GALR1: variants seen among roughly 807,000 people sequenced by gnomAD.
GALR1 encodes galanin receptor type 1.
Under a neutral mutation model 17.9 loss-of-function variants are expected in GALR1, and 11 were observed. The observed-to-expected ratio is 0.62, with a 90% CI of 0.39 to 1.02. The LOEUF is 1.02. Ranked by LOEUF, GALR1 falls within the 50% of genes least tolerant of loss-of-function variation. The pLI, the probability that GALR1 is intolerant of heterozygous loss-of-function variation, is 0.01. For missense variants in GALR1, 441 were observed against 456.9 expected (o/e 0.97, Z 0.32); for synonymous variants, 206 against 205.7 (o/e 1.00, Z -0.01).
intron 1 of GALR1, among the ~76,000 whole-genome samples, chr18:77,252,911 CCACCACCACCAT>C (rs1568139044): frequency 1.2e-3 from 54 of 44,918 alleles, no homozygotes; most frequent in Non-Finnish European, 1.7e-3. Context: ...ACCACCACCA[CCACCACCACCAT>C]CACCACCACC....
rs141896289 is a variant in GALR1 at position 77,262,213 on chromosome 18, C to T, written c.732+5990C>T. Among the ~76,000 whole-genome samples, 876 of 146,652 alleles carry T rather than the reference C, an allele frequency of 6.0e-3. 8 individuals are homozygous for T. Among genetic ancestry groups the T allele is most frequent in the African/African-American group, 0.021 (829 of 39,626 alleles). On this transcript the variant is annotated intron_variant, in intron 2 of 2. Transcript: ENST00000299727. ...CCATAAGAGATGAGGTATAGCTATCCGAATTAAAAAAAAAAAAAAAAGCTT... is the reference window on the plus strand; with the variant it reads ...CCATAAGAGATGAGGTATAGCTATCTGAATTAAAAAAAAAAAAAAAAGCTT...
At chr18:77,256,096 C>A in intron 1 of GALR1, 62 bp from the exon 2 acceptor site, 1 of 826,506 alleles carries the variant, frequency 1.2e-6, no homozygotes, top group Non-Finnish European at 2.1e-6. Context: ...ATTGTTAATG[C>A]AACATAGGCA....
At chr18:77,265,651 C>G (rs1912929978) in intron 2 of GALR1, among the ~76,000 whole-genome samples, 1 of 152,234 alleles carries the variant, frequency 6.6e-6, no homozygotes, top group Non-Finnish European at 1.5e-5. Flanking sequence ...GCCTGGGCAT[C>G]CAAGCATTTC....
intron 2 of GALR1, among the ~76,000 whole-genome samples, chr18:77,266,234 T>G (rs897491727): frequency 6.6e-6 from 1 of 152,188 alleles, no homozygotes; most frequent in Non-Finnish European, 1.5e-5. Flanking sequence ...TGACCTTTAC[T>G]CCAGTTCCCA....
intron 2 of GALR1, among the ~76,000 whole-genome samples, chr18:77,258,834 TGGTGGTGATGGTGGTGGTGATGG>T: frequency 2.9e-4 from 1 of 3,502 alleles, no homozygotes; most frequent in African/African-American, 7.2e-4. Flanking sequence ...GTGCTGGTGA[TGGTGGTGATGGTGGTGGTGATGG>T]TGGTGGTGAT....
At chr18:77,252,749 G>A (rs1239325066) in intron 1 of GALR1, among the ~76,000 whole-genome samples, 12 of 151,828 alleles carry the variant, frequency 7.9e-5, no homozygotes. Context: ...TCCGGAGGCT[G>A]AGACAGAAGA....
chr18:77,250,187 G>C lies in GALR1; in HGVS notation c.-362G>C, dbSNP rs560013590. Among the ~76,000 whole-genome samples, 9 of 152,306 alleles carry C rather than the reference G, an allele frequency of 5.9e-5. No individual in the cohort carries two copies. The South Asian group carries it at 1.9e-3, about 32-fold the overall frequency. On this transcript the variant is annotated 5_prime_UTR_variant, in exon 1 of 3. Transcript: ENST00000299727. The stretch of plus-strand genomic sequence containing the variant: ...TCTGGAGCGGTAAGGCGGAGAGAAG[G>C]GTCTTTCCACCTGCGCGGCTGCAGC...
chr18:77,259,733 G>T (rs191314616), intron 2 of GALR1, among the ~76,000 whole-genome samples: 71 of 152,002 alleles, frequency 4.7e-4, no homozygotes, highest in African/African-American at 1.6e-3. Context: ...GGTGGTATGT[G>T]TGTGTCTAAG....
At chr18:77,256,287 T>A in intron 2 of GALR1, 64 bp downstream of exon 2, 1 of 956,486 alleles carries the variant, frequency 1.0e-6, no homozygotes. Context: ...TTGTTTTTTT[T>A]ACTTGTCCTC....
At chr18:77,253,155 G>C (rs984618017) in intron 1 of GALR1, among the ~76,000 whole-genome samples, 13 of 152,022 alleles carry the variant, frequency 8.6e-5, no homozygotes, top group African/African-American at 3.1e-4. Flanking sequence ...GCTAAACAAA[G>C]GCTATCTTAC....
At position 77,264,133 on chromosome 18, in the gene GALR1, C is replaced by CA. The variant is rs56102250; in HGVS notation, c.733-4421dup. 1.2e-3 allele frequency among the ~76,000 whole-genome samples: 70 copies of CA among 57,210 alleles called. 1 individual carries two copies. The highest frequency in any genetic ancestry group is 2.8e-3 in the African/African-American group (39 of 14,082). 37.5% of individuals were successfully genotyped at this position (57,210 alleles called of 152,430 possible). A position where few individuals can be genotyped will look rare whatever the true frequency, so the allele number is the denominator to read the frequency against. ...TGGGTGACAGAGCGAGACTCCATCT[C>CA]AAAAAAAAAAAAAAAAAAAAAAAAA... is the stretch of plus-strand genomic sequence containing the variant. On this transcript the variant is annotated intron_variant, in intron 2 of 2. Transcript: ENST00000299727.
In GALR1 at chr18:77,269,065, A is replaced by T. The variant is rs1218512261; in HGVS notation, c.*163A>T. 6 of 611,498 alleles carry T rather than the reference A, an allele frequency of 9.8e-6. No individual in the cohort carries two copies. Among genetic ancestry groups the T allele is most frequent in the Admixed American group, 6.4e-5 (2 of 31,244 alleles). The allele number at this position is 611,498 out of a possible 1,614,324, so 37.9% of individuals were successfully genotyped here. A position where few individuals can be genotyped will look rare whatever the true frequency, so the allele number is the denominator to read the frequency against. On this transcript the variant is annotated 3_prime_UTR_variant, in exon 3 of 3. Transcript: ENST00000299727. ...TGTTAAAAAGTACTTTGATCCATTT[A>T]GGAAATTCCTAGGTCTAGTGAGAAT...
At chr18:77,265,887 C>A (rs1912934934) in intron 2 of GALR1, among the ~76,000 whole-genome samples, 1 of 152,174 alleles carries the variant, frequency 6.6e-6, no homozygotes, top group South Asian at 2.1e-4. Flanking sequence ...CATGAAACCA[C>A]TTTTCCTCCT....
At chr18:77,266,813 T>C (rs1015646336) in intron 2 of GALR1, among the ~76,000 whole-genome samples, 2 of 152,174 alleles carry the variant, frequency 1.3e-5, no homozygotes, top group Non-Finnish European at 2.9e-5. Context: ...ACTGCCCCCA[T>C]GATTCAATTA....
At chr18:77,258,716 C>CTGGTGA (rs1480358339) in intron 2 of GALR1, among the ~76,000 whole-genome samples, 4 of 11,124 alleles carry the variant, frequency 3.6e-4, no homozygotes, top group Non-Finnish European at 6.0e-4. Flanking sequence ...GATGGTGGTG[C>CTGGTGA]TGGTGATGGT....
At chr18:77,254,016 C>T (rs981375417) in intron 1 of GALR1, 2 of 152,242 alleles carry the variant, frequency 1.3e-5, no homozygotes, top group African/African-American at 4.8e-5. Context: ...TCGCTCACTT[C>T]CCTTAGAGTG....
rs1336386462 is a variant in GALR1, at chr18:77,277,864, G to GT, written c.*8966dup. ...ATAATTGGCCTTTGTGATGGAACCA[G>GT]TTTTCTTGCATTGAAAATAAAATTT... On this transcript the variant is annotated 3_prime_UTR_variant, in exon 3 of 3. Coordinates refer to ENST00000299727, the MANE Select transcript of GALR1 (RefSeq NM_001480.4). The GT allele has an allele frequency of 6.6e-6, 1 of 152,158 alleles. No homozygotes were observed. Among genetic ancestry groups the GT allele is most frequent in the Non-Finnish European group, 1.5e-5 (1 of 68,028 alleles). The allele number at this position is 152,158 out of a possible 1,614,324, so 9.4% of individuals were successfully genotyped here.
intron 2 of GALR1, among the ~76,000 whole-genome samples, chr18:77,265,496 C>T (rs565245452): frequency 6.6e-6 from 1 of 152,314 alleles, no homozygotes; most frequent in African/African-American, 2.4e-5. Context: ...ATTCTGGGGT[C>T]TGGAGGATGG....
Position 77,271,445 on chromosome 18 carries a change from A to G in GALR1, c.*2543A>G, listed in dbSNP as rs1406237402. On this transcript the variant is annotated 3_prime_UTR_variant, in exon 3 of 3. Coordinates refer to ENST00000299727, the MANE Select transcript of GALR1 (RefSeq NM_001480.4). ...TCTAAACCTCTACAAAATTTTCTGA[A>G]TAAAGAGTTTCAGAAGAACTCGTAA... The G allele has an allele frequency of 6.6e-6, 1 of 152,196 alleles. No individual in the cohort carries two copies. Among genetic ancestry groups the G allele is most frequent in the Non-Finnish European group, 1.5e-5 (1 of 68,032 alleles). 9.4% of individuals were successfully genotyped at this position (152,196 alleles called of 1,614,324 possible).
Sources: gnomAD v4.1 joint callset for allele counts (sites outside exome capture counted in the v4.1 genomes callset) on GRCh38, gnomAD v4.1.1 for gene constraint, MANE v1.5 for transcripts, NCBI Gene and HGNC (gene_info 2026-07-23, HGNC 2026-07-21) for gene names.